CNOT6L: variants seen among roughly 807,000 people sequenced by gnomAD.
CNOT6L encodes CCR4-NOT transcription complex subunit 6-like.
In CNOT6L, 7 loss-of-function variants were observed where a neutral mutation model predicts 64.0. That is an observed-to-expected ratio of 0.11 (90% confidence interval 0.06 to 0.21). CNOT6L has a LOEUF of 0.21. Ranked by LOEUF, CNOT6L falls within the 10% of genes least tolerant of loss-of-function variation. The pLI is 1.00. For synonymous variants in CNOT6L, 193 were observed against 243.4 expected (o/e 0.79, Z 1.93); for missense variants, 245 against 669.0 (o/e 0.37, Z 6.99).
intron 5 of CNOT6L, among the ~76,000 whole-genome samples, chr4:77,753,788 G>A (rs1457035001): frequency 2.0e-5 from 3 of 151,048 alleles, no homozygotes; most frequent in Non-Finnish European, 4.4e-5. Context: ...GAATACCAAA[G>A]GTGGTATAAC....
chr4:77,744,257 G>A (rs1723943820), intron 7 of CNOT6L, among the ~76,000 whole-genome samples: 1 of 151,744 alleles, frequency 6.6e-6, no homozygotes, highest in Non-Finnish European at 1.5e-5. Flanking sequence ...TTCAGAGATG[G>A]TTTATAAAGT....
chr4:77,796,415 T>C (rs1223077658), intron 1 of CNOT6L, among the ~76,000 whole-genome samples: 2 of 152,026 alleles, frequency 1.3e-5, no homozygotes, highest in Admixed American at 1.3e-4. Flanking sequence ...CTTGTGATAG[T>C]GAGTTCTCAT....
intron 1 of CNOT6L, among the ~76,000 whole-genome samples, chr4:77,803,535 C>A (rs1731848915): frequency 6.6e-6 from 1 of 152,022 alleles, no homozygotes; most frequent in South Asian, 2.1e-4. Context: ...ATCAAAAATA[C>A]AGAAATAAAT....
At chr4:77,762,722 G>C (rs1560407968) in intron 4 of CNOT6L, among the ~76,000 whole-genome samples, 1 of 152,094 alleles carries the variant, frequency 6.6e-6, no homozygotes, top group Non-Finnish European at 1.5e-5. Context: ...AAAGAATCCA[G>C]ACTCAAAAGG....
intron 1 of CNOT6L, among the ~76,000 whole-genome samples, chr4:77,812,690 T>C (rs1284272911): frequency 2.0e-5 from 3 of 151,892 alleles, no homozygotes; most frequent in African/African-American, 4.8e-5. Context: ...TCTAAATAAA[T>C]AGAAAAACAT....
At chr4:77,752,381 A>T (rs1483221072) in intron 5 of CNOT6L, among the ~76,000 whole-genome samples, 4 of 152,344 alleles carry the variant, frequency 2.6e-5, no homozygotes, top group African/African-American at 9.6e-5. Flanking sequence ...AACACATTCA[A>T]ACAATATAAT....
In CNOT6L at chr4:77,725,752, T is replaced by C. The variant is rs567762781; in HGVS notation, c.1455+415A>G. 2.4e-4 allele frequency among the ~76,000 whole-genome samples: 36 copies of C among 152,192 alleles called. 1 individual carries two copies. The highest frequency in any genetic ancestry group is 8.7e-4 in the African/African-American group (36 of 41,538). ...GAAAGAAAATCTTGAGAAAATACTA[T>C]ATAAATTCATTCAAAGTGAGTTTTG... is the stretch of plus-strand genomic sequence containing the variant. On this transcript the variant is annotated intron_variant, in intron 11 of 11. Transcript: ENST00000504123.
chr4:77,782,249 G>A (rs1324004241), intron 1 of CNOT6L, among the ~76,000 whole-genome samples: 1 of 152,122 alleles, frequency 6.6e-6, no homozygotes, highest in African/African-American at 2.4e-5. Flanking sequence ...CTGAGAAAAT[G>A]TGTCTGTGTT....
intron 5 of CNOT6L, among the ~76,000 whole-genome samples, chr4:77,754,609 C>T (rs1245321586): frequency 6.6e-6 from 1 of 151,634 alleles, no homozygotes; most frequent in Admixed American, 6.6e-5. Context: ...CAGAACTAGC[C>T]AAAATTCTTT....
At chr4:77,773,930 C>A (rs1727882394) in intron 3 of CNOT6L, among the ~76,000 whole-genome samples, 1 of 151,856 alleles carries the variant, frequency 6.6e-6, no homozygotes, top group African/African-American at 2.4e-5. Context: ...GTAAAAAAAG[C>A]AAGTAAAGGA....
At chr4:77,765,667 A>G (rs1230485988) in intron 4 of CNOT6L, among the ~76,000 whole-genome samples, 1 of 152,200 alleles carries the variant, frequency 6.6e-6, no homozygotes, top group Admixed American at 6.5e-5. Context: ...TTGTTAGGAG[A>G]ATCAGTCTAC....
chr4:77,753,337 A>C (rs1311729730), intron 5 of CNOT6L, among the ~76,000 whole-genome samples: 1 of 152,134 alleles, frequency 6.6e-6, no homozygotes, highest in Non-Finnish European at 1.5e-5. Flanking sequence ...CTGAAGAAAA[A>C]GAAGTACTGG....
chr4:77,747,536 T>C (rs1724336621), intron 6 of CNOT6L, among the ~76,000 whole-genome samples: 1 of 152,220 alleles, frequency 6.6e-6, no homozygotes, highest in Non-Finnish European at 1.5e-5. Context: ...AGAATTTTCA[T>C]TTAATTTTAA....
At chr4:77,723,442 C>T (rs1048756307) in intron 11 of CNOT6L, among the ~76,000 whole-genome samples, 4 of 152,132 alleles carry the variant, frequency 2.6e-5, no homozygotes, top group Non-Finnish European at 4.4e-5. Context: ...GATCACATGG[C>T]ATTTTATATT....
In CNOT6L at chr4:77,714,370, T is replaced by C. The variant is rs1340090574; in HGVS notation, c.*6061A>G. 1 of 140,596 alleles carries C rather than the reference T, an allele frequency of 7.1e-6. No individual in the cohort carries two copies. Among genetic ancestry groups the C allele is most frequent in the Non-Finnish European group, 1.5e-5 (1 of 64,852 alleles). 8.7% of individuals were successfully genotyped at this position (140,596 alleles called of 1,614,324 possible). Reference sequence around the variant, plus strand: ...AAAAAATCACAACAGAAGATATAAATTAATCGATGGTGAATTTGACCAACA... The same window carrying C: ...AAAAAATCACAACAGAAGATATAAACTAATCGATGGTGAATTTGACCAACA... On this transcript the variant is annotated 3_prime_UTR_variant, in exon 12 of 12. Coordinates refer to ENST00000504123, the MANE Select transcript of CNOT6L (RefSeq NM_144571.3).
At position 77,762,027 on chromosome 4, in the gene CNOT6L, C is replaced by G. The variant is rs1726298310; in HGVS notation, c.401-5076G>C. On this transcript the variant is annotated intron_variant, in intron 4 of 11. Transcript: ENST00000504123. Reference sequence around the variant, plus strand: ...AGATATACATCTAGCAAAATATTTACAAGATCTATACCCTGAAAACTACAA... The same window carrying G: ...AGATATACATCTAGCAAAATATTTAGAAGATCTATACCCTGAAAACTACAA... Among the ~76,000 whole-genome samples, 3 of 152,004 alleles carry G rather than the reference C, an allele frequency of 2.0e-5. No individual in the cohort carries two copies. In the South Asian group the frequency reaches 6.2e-4, roughly 32 times the overall value.
intron 4 of CNOT6L, among the ~76,000 whole-genome samples, chr4:77,765,657 T>C (rs534552690): frequency 2.8e-4 from 42 of 152,276 alleles, no homozygotes; most frequent in African/African-American, 8.4e-4. Flanking sequence ...CTTTAAAAAA[T>C]TGTTAGGAGA....
chr4:77,748,513 T>C, intron 5 of CNOT6L, 129 bp from the exon 6 acceptor site: 2 of 651,240 alleles, frequency 3.1e-6, no homozygotes, highest in East Asian at 2.7e-5. Flanking sequence ...AATCTAATGC[T>C]GAAATTTAAT....
upstream of CNOT6L, chr4:77,819,508 C>G: frequency 9.0e-7 from 1 of 1,117,294 alleles, no homozygotes. Flanking sequence ...CGGCGGCACA[C>G]AGGGCCCGTA....
Sources: allele counts gnomAD v4.1 joint callset (sites outside exome capture counted in the v4.1 genomes callset), GRCh38; gene constraint gnomAD v4.1.1; transcripts MANE v1.5; gene names NCBI Gene and HGNC (gene_info 2026-07-23, HGNC 2026-07-21).